CSMD1: variants seen among roughly 807,000 people sequenced by gnomAD.
CSMD1 encodes CUB and sushi domain-containing protein 1.
Under a neutral mutation model 417.5 loss-of-function variants are expected in CSMD1, and 213 were observed. The ratio of observed to expected loss-of-function variants is 0.51; its 90% CI spans 0.46 to 0.57. The LOEUF is 0.57. Ranked by LOEUF, CSMD1 falls within the 20% of genes least tolerant of loss-of-function variation. The pLI is 0.00. For missense variants in CSMD1, 6,923 were observed against 4,529.7 expected, an observed-to-expected ratio of 1.53 and a Z score of -15.17; for synonymous variants, 2,862 against 1,736.8, an observed-to-expected ratio of 1.65 and a Z score of -16.11.
chr8:4,256,726 G>T (rs1803482203), intron 3 of CSMD1, among the ~76,000 whole-genome samples: 1 of 152,098 alleles, frequency 6.6e-6, no homozygotes, highest in Non-Finnish European at 1.5e-5. Flanking sequence ...GAAGGCGCCA[G>T]GCACAGTTAC....
chr8:4,182,518 C>T (rs1038600017), intron 3 of CSMD1, among the ~76,000 whole-genome samples: 1 of 152,052 alleles, frequency 6.6e-6, no homozygotes, highest in Non-Finnish European at 1.5e-5. Context: ...GTTGGACGGG[C>T]TATATATGCT....
At chr8:3,103,584 A>C (rs1398748160) in intron 46 of CSMD1, among the ~76,000 whole-genome samples, 1 of 150,610 alleles carries the variant, frequency 6.6e-6, no homozygotes, top group Non-Finnish European at 1.5e-5. Context: ...TTTCAGCTTC[A>C]TTATAATCTT....
chr8:4,384,392 A>G (rs571959674), intron 3 of CSMD1, among the ~76,000 whole-genome samples: 45 of 152,204 alleles, frequency 3.0e-4, no homozygotes, highest in Non-Finnish European at 8.8e-5. Context: ...AAAATATTAA[A>G]TACTTTTGGA....
At chr8:3,874,045 T>G (rs901339275) in intron 5 of CSMD1, among the ~76,000 whole-genome samples, 2 of 152,206 alleles carry the variant, frequency 1.3e-5, no homozygotes, top group African/African-American at 4.8e-5. Flanking sequence ...TGTAAAGCTT[T>G]CCACTTCCCT....
In CSMD1 at chr8:4,516,495, C is replaced by G. The variant is rs116083261; in HGVS notation, c.303-96430G>C. On this transcript the variant is annotated intron_variant, in intron 2 of 69. Transcript: ENST00000635120. ...GACAACGGCTGGACCCCGGGCCCTT[C>G]TATGATCCCCCTTCCTTGGGGAGTT... 8.2e-3 allele frequency among the ~76,000 whole-genome samples: 1,250 copies of G among 152,232 alleles called. 20 individuals are homozygous for G. The highest frequency in any genetic ancestry group is 0.029 in the African/African-American group (1,207 of 41,552).
At chr8:4,008,052 C>T (rs1381548956) in intron 4 of CSMD1, among the ~76,000 whole-genome samples, 7 of 152,174 alleles carry the variant, frequency 4.6e-5, no homozygotes, top group Non-Finnish European at 1.0e-4. Flanking sequence ...TTTCAGCAAG[C>T]AGGAAAACCA....
At chr8:3,202,506 C>T (rs966032727) in intron 31 of CSMD1, among the ~76,000 whole-genome samples, 6 of 152,148 alleles carry the variant, frequency 3.9e-5, no homozygotes, top group Non-Finnish European at 7.3e-5. Flanking sequence ...TTAACTGATG[C>T]TGTGTATTCA....
intron 3 of CSMD1, among the ~76,000 whole-genome samples, chr8:4,335,237 T>A (rs1036678161): frequency 6.6e-6 from 1 of 152,106 alleles, no homozygotes; most frequent in African/African-American, 2.4e-5. Flanking sequence ...TGATCCCATT[T>A]GTGAACACTT....
chr8:4,157,221 A>G (rs1421151598), intron 3 of CSMD1, among the ~76,000 whole-genome samples: 1 of 152,194 alleles, frequency 6.6e-6, no homozygotes, highest in African/African-American at 2.4e-5. Context: ...TGTCCACAGA[A>G]GGAGTTTATA....
intron 3 of CSMD1, among the ~76,000 whole-genome samples, chr8:4,033,308 G>A (rs541512157): frequency 5.7e-4 from 87 of 152,018 alleles, no homozygotes; most frequent in Non-Finnish European, 1.1e-3. Flanking sequence ...CGGGCGTGGT[G>A]GCGGGCACCT....
Position 3,520,039 on chromosome 8 carries a change from T to TATATATATATATATATATAC in CSMD1, c.1345-26314_1345-26313insGTATATATATATATATATAT, listed in dbSNP as rs545212684. On this transcript the variant is annotated intron_variant, in intron 10 of 69. Transcript: ENST00000635120. ...ATATACCTATATATATATATATATATACACGTATAGTTGTGAAACTTGCTC... is the reference window on the plus strand; with the variant it reads ...ATATACCTATATATATATATATATATATATATATATATATATATACACACGTATAGTTGTGAAACTTGCTC... 5.4e-3 allele frequency among the ~76,000 whole-genome samples: 793 copies of TATATATATATATATATATAC among 147,036 alleles called. 8 individuals are homozygous for TATATATATATATATATATAC. Among genetic ancestry groups the TATATATATATATATATATAC allele is most frequent in the African/African-American group, 0.015 (582 of 38,632 alleles).
chr8:4,605,687 T>C (rs1800830204), intron 2 of CSMD1, among the ~76,000 whole-genome samples: 1 of 152,188 alleles, frequency 6.6e-6, no homozygotes, highest in Non-Finnish European at 1.5e-5. Flanking sequence ...TATACTTCTG[T>C]CCCTTGTAGA....
intron 3 of CSMD1, among the ~76,000 whole-genome samples, chr8:4,126,052 G>T (rs1047115640): frequency 2.4e-4 from 36 of 151,628 alleles, no homozygotes; most frequent in African/African-American, 7.8e-4. Flanking sequence ...TTTTAATCTG[G>T]CCCGACCAGT....
At chr8:4,530,142 T>C (rs1253504883) in intron 2 of CSMD1, among the ~76,000 whole-genome samples, 3 of 151,720 alleles carry the variant, frequency 2.0e-5, no homozygotes, top group African/African-American at 7.3e-5. Flanking sequence ...CTCGATCTCC[T>C]GACCTTGTGA....
At chr8:4,276,135 G>T (rs1320889818) in intron 3 of CSMD1, among the ~76,000 whole-genome samples, 1 of 152,004 alleles carries the variant, frequency 6.6e-6, no homozygotes, top group Non-Finnish European at 1.5e-5. Context: ...ATACCCAAAG[G>T]GTTATAAATC....
At chr8:3,956,540 C>G (rs1358720668) in intron 5 of CSMD1, among the ~76,000 whole-genome samples, 1 of 152,162 alleles carries the variant, frequency 6.6e-6, no homozygotes, top group Admixed American at 6.5e-5. Context: ...AAAATAATGG[C>G]TACTTTTTAT....
chr8:4,585,512 G>C (rs902870998), intron 2 of CSMD1, among the ~76,000 whole-genome samples: 26 of 152,280 alleles, frequency 1.7e-4, no homozygotes, highest in African/African-American at 4.8e-4. Context: ...AGTATTTGAA[G>C]AGATAATGAC....
rs533761359 is a variant in CSMD1, at chr8:4,716,914, G to A, written c.86-79356C>T. 1.8e-3 allele frequency among the ~76,000 whole-genome samples: 276 copies of A among 152,114 alleles called. 9 individuals carry two copies. The South Asian group carries it at 0.049, about 27-fold the overall frequency. On this transcript the variant is annotated intron_variant, in intron 1 of 69. Transcript: ENST00000635120. Reference sequence around the variant, plus strand: ...AGATTAAGCAAAAAAATCATATCTAGACTTTAACAATGAGATCCAATAGGT... The same window carrying A: ...AGATTAAGCAAAAAAATCATATCTAAACTTTAACAATGAGATCCAATAGGT...
intron 3 of CSMD1, among the ~76,000 whole-genome samples, chr8:4,153,889 A>G (rs1324283671): frequency 1.3e-5 from 2 of 152,218 alleles, no homozygotes; most frequent in East Asian, 3.9e-4. Context: ...GCAAACTAAC[A>G]TCTCAGATTC....
Sources: allele counts gnomAD v4.1 joint callset (sites outside exome capture counted in the v4.1 genomes callset), GRCh38; gene constraint gnomAD v4.1.1; transcripts MANE v1.5; gene names NCBI Gene and HGNC (gene_info 2026-07-23, HGNC 2026-07-21).